PCDH7: variants seen among roughly 807,000 people sequenced by gnomAD.
PCDH7 encodes the protein protocadherin-7.
Under a neutral mutation model 58.9 loss-of-function variants are expected in PCDH7, and 17 were observed. That is an observed-to-expected ratio of 0.29 (90% CI 0.20 to 0.43). PCDH7 has a LOEUF of 0.43. Among genes scored for constraint, PCDH7 ranks in the 20% least tolerant of loss-of-function variants. The pLI is 1.00. For synonymous variants in PCDH7, 664 were observed against 616.4 expected (o/e 1.08, Z -1.14); for missense variants, 1,274 against 1,441.0 (o/e 0.88, Z 1.88).
intron 3 of PCDH7, among the ~76,000 whole-genome samples, chr4:31,077,757 A>G (rs1448914453): frequency 6.6e-6 from 1 of 152,156 alleles, no homozygotes; most frequent in East Asian, 1.9e-4. Flanking sequence ...TGACAAGATG[A>G]CTTAAAAGAA....
chr4:30,882,239 TTCTTCATCTTTG>T (rs1737071720), intron 1 of PCDH7, among the ~76,000 whole-genome samples: 1 of 151,502 alleles, frequency 6.6e-6, no homozygotes. Flanking sequence ...CCTCCTCTTC[TTCTTCATCTTTG>T]TCTTCATCTT....
At chr4:31,052,425 G>A (rs1756832280) in intron 3 of PCDH7, among the ~76,000 whole-genome samples, 2 of 151,968 alleles carry the variant, frequency 1.3e-5, no homozygotes, top group South Asian at 4.2e-4. Flanking sequence ...AATTCAGTTG[G>A]GGCATTTTTA....
intron 2 of PCDH7, among the ~76,000 whole-genome samples, chr4:30,922,581 C>T (rs1743320369): frequency 6.6e-6 from 1 of 152,024 alleles, no homozygotes; most frequent in South Asian, 2.1e-4. Context: ...GAAAACTTAA[C>T]AGGTGAGCTT....
intron 3 of PCDH7, among the ~76,000 whole-genome samples, chr4:31,080,295 A>G (rs1478313690): frequency 3.9e-5 from 6 of 151,944 alleles, no homozygotes; most frequent in African/African-American, 1.4e-4. Context: ...TTTTTTAACT[A>G]GCATATCTAT....
At position 31,065,014 on chromosome 4, in the gene PCDH7, TAA is replaced by T. The variant is rs552927508; in HGVS notation, c.*8-77454_*8-77453del. Among the ~76,000 whole-genome samples, 720 of 152,096 alleles carry T rather than the reference TAA, an allele frequency of 4.7e-3. 7 individuals are homozygous for T. The highest frequency in any genetic ancestry group is 6.0e-3 in the Non-Finnish European group (410 of 67,940). Reference sequence around the variant, plus strand: ...CAAGTTTACTTGCTTAGATTTTCAGTAAAAAAGTTAAAGAGTTTTAATTTAGA... The same window carrying T: ...CAAGTTTACTTGCTTAGATTTTCAGTAAAAGTTAAAGAGTTTTAATTTAGA... On this transcript the variant is annotated intron_variant, in intron 3 of 3. Coordinates refer to the PCDH7 transcript ENST00000509759.
intron 1 of PCDH7, among the ~76,000 whole-genome samples, chr4:30,879,217 T>C (rs1736656115): frequency 6.6e-6 from 1 of 151,862 alleles, no homozygotes; most frequent in Admixed American, 6.6e-5. Flanking sequence ...TCCCTCCCTC[T>C]CTCTTTTCTT....
chr4:31,054,787 T>C (rs146754328), intron 3 of PCDH7, among the ~76,000 whole-genome samples: 6 of 152,256 alleles, frequency 3.9e-5, no homozygotes, highest in African/African-American at 1.4e-4. Context: ...TCAGTTCTTT[T>C]TTGTTGGTAT....
intron 2 of PCDH7, among the ~76,000 whole-genome samples, chr4:30,930,924 C>A (rs1026402568): frequency 6.6e-6 from 1 of 151,892 alleles, no homozygotes; most frequent in African/African-American, 2.4e-5. Context: ...GAGTGACAGA[C>A]TGAGACCCTG....
intron 3 of PCDH7, among the ~76,000 whole-genome samples, chr4:31,114,283 T>C (rs971237262): frequency 2.6e-5 from 4 of 152,180 alleles, no homozygotes; most frequent in African/African-American, 9.7e-5. Flanking sequence ...TAATTAAATA[T>C]CTGCATGGCA....
At chr4:30,785,348 T>A (rs1050520294) in intron 1 of PCDH7, among the ~76,000 whole-genome samples, 11 of 152,026 alleles carry the variant, frequency 7.2e-5, no homozygotes, top group African/African-American at 2.7e-4. Context: ...TTTGTGTAAA[T>A]TAACATGAAC....
chr4:30,920,369 G>A, exon 2 of PCDH7: 1 of 1,366,632 alleles, frequency 7.3e-7, no homozygotes, highest in Non-Finnish European at 9.8e-7. Context: ...TATGGAAAAT[G>A]GTAGGGGCAA....
chr4:31,070,988 A>G (rs2109252562), intron 3 of PCDH7, among the ~76,000 whole-genome samples: 1 of 152,218 alleles, frequency 6.6e-6, no homozygotes, highest in South Asian at 2.1e-4. Context: ...TGTATAAAAT[A>G]CTACAGCTGT....
At chr4:31,045,179 G>C (rs1756180180) in intron 3 of PCDH7, among the ~76,000 whole-genome samples, 1 of 152,030 alleles carries the variant, frequency 6.6e-6, no homozygotes, top group Non-Finnish European at 1.5e-5. Flanking sequence ...TTGAGCTTTA[G>C]AGTCTGTTTT....
At chr4:31,003,046 A>C (rs779677210) in intron 3 of PCDH7, among the ~76,000 whole-genome samples, 3 of 152,224 alleles carry the variant, frequency 2.0e-5, no homozygotes, top group Non-Finnish European at 4.4e-5. Flanking sequence ...TTATTCATTC[A>C]TGAGTAGAAT....
intron 1 of PCDH7, among the ~76,000 whole-genome samples, chr4:30,852,126 A>G (rs543406634): frequency 6.6e-6 from 1 of 152,250 alleles, no homozygotes; most frequent in South Asian, 2.1e-4. Flanking sequence ...GGATTGTAAT[A>G]TAAGCATTTC....
chr4:30,794,621 T>A (rs1045790978), intron 1 of PCDH7, among the ~76,000 whole-genome samples: 23 of 80,178 alleles, frequency 2.9e-4, no homozygotes, highest in South Asian at 3.3e-4. Flanking sequence ...TAAGTTTAAT[T>A]TTTTTTTCCT....
intron 3 of PCDH7, among the ~76,000 whole-genome samples, chr4:31,142,165 C>A (rs1043980207): frequency 1.3e-5 from 2 of 152,056 alleles, no homozygotes; most frequent in African/African-American, 4.8e-5. Flanking sequence ...GTATTTAGAG[C>A]TTCTAACTGA....
intron 3 of PCDH7, among the ~76,000 whole-genome samples, chr4:31,004,813 G>C (rs1752636631): frequency 6.6e-6 from 1 of 152,008 alleles, no homozygotes; most frequent in South Asian, 2.1e-4. Context: ...CCTTTTTAAA[G>C]ATGAGAAAAC....
chr4:30,822,076 G>A (rs1367302097), intron 1 of PCDH7, among the ~76,000 whole-genome samples: 2 of 152,098 alleles, frequency 1.3e-5, no homozygotes, highest in Non-Finnish European at 2.9e-5. Flanking sequence ...TGATGGCACA[G>A]ACATAGTAAG....
Sources: allele counts gnomAD v4.1 joint callset (sites outside exome capture counted in the v4.1 genomes callset), GRCh38; gene constraint gnomAD v4.1.1; transcripts MANE v1.5; gene names NCBI Gene and HGNC (gene_info 2026-07-23, HGNC 2026-07-21).